MBNL2: variants seen among roughly 807,000 people sequenced by gnomAD.
The protein encoded by MBNL2 is muscleblind-like protein 2.
MBNL2 carries 17 observed loss-of-function variants against 41.9 expected under a neutral mutation model. The observed-to-expected ratio is 0.41, with a 90% CI of 0.28 to 0.61. The LOEUF is 0.61. Among genes scored for constraint, MBNL2 ranks in the 20% least tolerant of loss-of-function variants. The pLI, the probability that MBNL2 is intolerant of heterozygous loss-of-function variation, is 0.35. For missense variants in MBNL2, 336 were observed against 505.6 expected (o/e 0.66, Z 3.22); for synonymous variants, 195 against 182.9 (o/e 1.07, Z -0.53).
At chr13:97,196,424 A>G in the MBNL2 span, among the ~76,000 whole-genome samples, 1 of 152,224 alleles carries the variant, frequency 6.6e-6, no homozygotes, top group Admixed American at 6.5e-5. Flanking sequence ...AATGGTTCAG[A>G]AAATTTTGAG....
chr13:97,234,537 G>A (rs1040343310), intron 1 of MBNL2, among the ~76,000 whole-genome samples: 1 of 152,060 alleles, frequency 6.6e-6, no homozygotes, highest in Non-Finnish European at 1.5e-5. Context: ...AAAGTGTGGC[G>A]GGACAGATGA....
chr13:97,370,131 T>C (rs185534787), intron 8 of MBNL2, among the ~76,000 whole-genome samples: 9 of 152,218 alleles, frequency 5.9e-5, no homozygotes, highest in African/African-American at 1.2e-4. Flanking sequence ...ATGACATGGG[T>C]ACAATGATCA....
chr13:97,167,608 C>T, the MBNL2 span, among the ~76,000 whole-genome samples: 6 of 152,022 alleles, frequency 3.9e-5, no homozygotes, highest in Admixed American at 2.0e-4. Context: ...AAATCAGTTC[C>T]TTTAACATAT....
chr13:97,322,834 T>C (rs1224520391), intron 2 of MBNL2, among the ~76,000 whole-genome samples: 2 of 152,294 alleles, frequency 1.3e-5, no homozygotes, highest in African/African-American at 4.8e-5. Context: ...AGTATATTTA[T>C]AATAAGATGT....
the MBNL2 span, among the ~76,000 whole-genome samples, chr13:97,160,043 G>A: frequency 1.3e-5 from 2 of 152,028 alleles, no homozygotes; most frequent in Admixed American, 6.6e-5. Context: ...CCAATCAGAC[G>A]TAGATTTGGT....
At chr13:97,370,223 TG>T (rs3837538) in intron 8 of MBNL2, among the ~76,000 whole-genome samples, 16,949 of 152,204 alleles carry the variant, frequency 0.11, 987 homozygotes, top group East Asian at 0.18. Flanking sequence ...ATGGTCTTGC[TG>T]GAGTTGAAAC....
chr13:97,322,446 A>G (rs1443827796), intron 2 of MBNL2, among the ~76,000 whole-genome samples: 1 of 152,158 alleles, frequency 6.6e-6, no homozygotes, highest in Non-Finnish European at 1.5e-5. Flanking sequence ...ACACTCCTGG[A>G]CTCATGATGG....
chr13:97,286,557 C>T (rs2054488102), intron 2 of MBNL2, among the ~76,000 whole-genome samples: 1 of 152,232 alleles, frequency 6.6e-6, no homozygotes, highest in Non-Finnish European at 1.5e-5. Context: ...CAGTCTCTTG[C>T]TCAAAATCTT....
chr13:97,347,264 T>C (rs2061970765), intron 5 of MBNL2, among the ~76,000 whole-genome samples, 197 bp downstream of exon 5: 1 of 152,156 alleles, frequency 6.6e-6, no homozygotes, highest in Admixed American at 6.5e-5. Flanking sequence ...TTCAGCACAA[T>C]AAGTAAATCC....
intron 6 of MBNL2, 113 bp from the exon 7 acceptor site, chr13:97,357,369 G>C: frequency 1.2e-6 from 1 of 829,736 alleles, no homozygotes; most frequent in Non-Finnish European, 2.0e-6. Flanking sequence ...CATGGCAGAG[G>C]CATCTCCTTA....
In MBNL2 at chr13:97,246,772, C is replaced by T. The variant is rs79661845; in HGVS notation, c.-605+24241C>T. ...ACCAAACCACGCTACAAGACAGGCT[C>T]CTCCAGACGGGCTTTTTCCTTCCTG... On this transcript the variant is annotated intron_variant, in intron 1 of 8. Transcript: ENST00000679496. Among the ~76,000 whole-genome samples, 1,267 of 152,282 alleles carry T rather than the reference C, an allele frequency of 8.3e-3. 15 individuals carry two copies. The highest frequency in any genetic ancestry group is 0.029 in the African/African-American group (1,209 of 41,550).
At chr13:97,221,543 G>C (rs1391158901), upstream of MBNL2, 1 of 152,026 alleles carries the variant, frequency 6.6e-6, no homozygotes, top group African/African-American at 2.4e-5. Flanking sequence ...TATAATCATT[G>C]CTTCATTAAC....
intron 2 of MBNL2, among the ~76,000 whole-genome samples, chr13:97,314,198 A>G (rs1566410741): frequency 6.6e-6 from 1 of 152,140 alleles, no homozygotes; most frequent in Non-Finnish European, 1.5e-5. Flanking sequence ...TATTCTAGGC[A>G]TGCTCCTGCC....
At chr13:97,333,326 G>A (rs917683785) in intron 2 of MBNL2, among the ~76,000 whole-genome samples, 5 of 152,058 alleles carry the variant, frequency 3.3e-5, no homozygotes, top group African/African-American at 7.2e-5. Flanking sequence ...TATAAACACC[G>A]CCATATGCAA....
intron 8 of MBNL2, among the ~76,000 whole-genome samples, chr13:97,388,310 C>CAT (rs1468300479): frequency 1.3e-4 from 9 of 70,046 alleles, no homozygotes; most frequent in South Asian, 6.5e-4. Flanking sequence ...CATATACATA[C>CAT]ATACATATAT....
chr13:97,306,492 A>G (rs1244465441), intron 2 of MBNL2, among the ~76,000 whole-genome samples: 2 of 152,238 alleles, frequency 1.3e-5, no homozygotes, highest in Non-Finnish European at 2.9e-5. Flanking sequence ...GAGCAAACTC[A>G]TGGTGGTCAC....
chr13:97,259,917 C>T (rs2048287558), intron 1 of MBNL2, among the ~76,000 whole-genome samples: 1 of 152,206 alleles, frequency 6.6e-6, no homozygotes, highest in Non-Finnish European at 1.5e-5. Context: ...CTTGCTCACT[C>T]AGCAAATATC....
At chr13:97,185,508 T>C in the MBNL2 span, among the ~76,000 whole-genome samples, 1 of 152,206 alleles carries the variant, frequency 6.6e-6, no homozygotes, top group Non-Finnish European at 1.5e-5. Context: ...GGATTAGCCA[T>C]ATTGAGCTCA....
At chr13:97,150,259 G>C in the MBNL2 span, among the ~76,000 whole-genome samples, 1 of 152,196 alleles carries the variant, frequency 6.6e-6, no homozygotes, top group Middle Eastern at 3.2e-3. Context: ...TCCATGCTGA[G>C]ATGCCTCCTC....
Sources: allele counts gnomAD v4.1 joint callset (sites outside exome capture counted in the v4.1 genomes callset), GRCh38; gene constraint gnomAD v4.1.1; transcripts MANE v1.5; gene names NCBI Gene and HGNC (gene_info 2026-07-23, HGNC 2026-07-21).